The following GNAS variants were observed in gnomAD, a reference collection of about 807,000 sequenced individuals.
GNAS encodes protein ALEX.
In GNAS, 8 loss-of-function variants were observed where a neutral mutation model predicts 54.5. The ratio of observed to expected loss-of-function variants is 0.15; its 90% CI spans 0.09 to 0.26. The LOEUF (loss-of-function observed/expected upper bound fraction) is 0.26, where lower values mean the gene tolerates loss of function less well. Among genes scored for constraint, GNAS ranks in the 10% least tolerant of loss-of-function variants. The pLI, the probability that GNAS is intolerant of heterozygous loss-of-function variation, is 1.00. For missense variants in GNAS, 170 were observed against 529.8 expected, an observed-to-expected ratio of 0.32 and a Z score of 6.67; for synonymous variants, 204 against 191.4, an observed-to-expected ratio of 1.07 and a Z score of -0.54.
intron 1 of GNAS, among the ~76,000 whole-genome samples, chr20:58,858,611 G>A (rs1384109147): frequency 2.0e-5 from 3 of 152,094 alleles, no homozygotes; most frequent in Admixed American, 2.0e-4. Context: ...GAGTTTCTTA[G>A]TATCTGCCAC....
chr20:58,870,730 A>T (rs1480504356), intron 1 of GNAS, among the ~76,000 whole-genome samples: 1 of 152,040 alleles, frequency 6.6e-6, no homozygotes. Flanking sequence ...CCTGCGCCAG[A>T]CGCACAAATC....
intron 1 of GNAS, among the ~76,000 whole-genome samples, chr20:58,894,610 A>G (rs913675583): frequency 2.0e-5 from 3 of 152,254 alleles, no homozygotes; most frequent in African/African-American, 7.2e-5. Context: ...AAAAAGATGC[A>G]AAATAGCAAT....
At chr20:58,893,257 TAATA>T (rs2089693500) in intron 1 of GNAS, among the ~76,000 whole-genome samples, 1 of 151,488 alleles carries the variant, frequency 6.6e-6, no homozygotes, top group African/African-American at 2.4e-5. Context: ...AAAAAAATAA[TAATA>T]AAATAAAAAA....
In GNAS at chr20:58,875,758, G is replaced by C. The variant is rs140783450; in HGVS notation, c.44-19854G>C. ...AGGGTGCCTGACTCATTCCGGCTCCGGTCGATAATGACAAGCCCCATGTTT... is the reference window on the plus strand; with the variant it reads ...AGGGTGCCTGACTCATTCCGGCTCCCGTCGATAATGACAAGCCCCATGTTT... On this transcript the variant is annotated intron_variant, in intron 1 of 12. Transcript: ENST00000306090. Among the ~76,000 whole-genome samples, 3 of 152,310 alleles carry C rather than the reference G, an allele frequency of 2.0e-5. No homozygotes were observed. The East Asian group carries it at 5.8e-4, about 29-fold the overall frequency.
In GNAS at chr20:58,910,840, C is replaced by T. The variant is rs2091387170; in HGVS notation, c.*11C>T. ...TACGAGCTGCTCTAAGAAGGGAACC[C>T]CCAAATTTAATTAAAGCCTTAAGCA... is the stretch of plus-strand genomic sequence containing the variant. On this transcript the variant is annotated 3_prime_UTR_variant, in exon 13 of 13. Transcript: ENST00000371085. This position sits in a 1 kb window ranked among gnomAD's most constrained non-coding sequence, Gnocchi z 5.8. 6.2e-7 allele frequency: 1 copy of T among 1,612,840 alleles called. No homozygotes were observed. The highest frequency in any genetic ancestry group is 1.3e-5 in the African/African-American group (1 of 75,014).
At chr20:58,852,556 T>C (rs1014359425) in intron 1 of GNAS, among the ~76,000 whole-genome samples, 5 of 151,826 alleles carry the variant, frequency 3.3e-5, no homozygotes, top group African/African-American at 1.2e-4. Flanking sequence ...TATCCTGGGG[T>C]GATGAAATCC....
chr20:58,864,034 T>G (rs1445618036), intron 1 of GNAS: 1 of 152,088 alleles, frequency 6.6e-6, no homozygotes, highest in African/African-American at 2.4e-5. Context: ...TTAGCGAGTA[T>G]CCATTCCAGC....
chr20:58,899,489 T>C (rs777443189), intron 3 of GNAS: 1 of 541,662 alleles, frequency 1.8e-6, no homozygotes, highest in East Asian at 5.1e-5. Context: ...TCGTTAAGAA[T>C]CATCTCGAAA....
chr20:58,909,944 C>T lies in GNAS; in HGVS notation c.840-7C>T, dbSNP rs139641444. ...CCCAAGCATTCACACGGCCTCCCTT[C>T]TTGTAGATGGCTGCGCACCATCTCT... On this transcript the variant is annotated splice_polypyrimidine_tract_variant and splice_region_variant and intron_variant, in intron 10 of 12. Coordinates refer to ENST00000371085, the MANE Select transcript of GNAS (RefSeq NM_000516.7). This position sits in a 1 kb window ranked among gnomAD's most constrained non-coding sequence, Gnocchi z 7.3. 6.2e-7 allele frequency: 1 copy of T among 1,614,100 alleles called. No homozygotes were observed. Among genetic ancestry groups the T allele is most frequent in the Non-Finnish European group, 8.5e-7 (1 of 1,179,938 alleles).
Position 58,910,995 on chromosome 20 carries a change from A to C in GNAS, c.*166A>C, listed in dbSNP as rs2146309498. ...CCCCTTTTCCCTTCAGCTTGCTTAGATGTTCCAAATTTAGAAAGCTTAAGG... is the reference window on the plus strand; with the variant it reads ...CCCCTTTTCCCTTCAGCTTGCTTAGCTGTTCCAAATTTAGAAAGCTTAAGG... On this transcript the variant is annotated 3_prime_UTR_variant, in exon 13 of 13. Transcript: ENST00000371085. The surrounding 1 kb of genome is among the most constrained non-coding windows in gnomAD (Gnocchi z 5.8). The C allele has an allele frequency of 1.3e-6, 1 of 741,596 alleles. No homozygotes were observed. The highest frequency in any genetic ancestry group is 2.7e-5 in the East Asian group (1 of 37,204). 45.9% of individuals were successfully genotyped at this position (741,596 alleles called of 1,614,324 possible). A position where few individuals can be genotyped will look rare whatever the true frequency, so the allele number is the denominator to read the frequency against.
In GNAS at chr20:58,891,694, G is replaced by GCCCGGCCGCGC; in HGVS notation, c.-28_-18dup. 9.9e-7 allele frequency: 1 copy of GCCCGGCCGCGC among 1,008,440 alleles called. No homozygotes were observed. The highest frequency in any genetic ancestry group is 1.8e-5 in the African/African-American group (1 of 54,342). The allele number at this position is 1,008,440 out of a possible 1,614,324, so 62.5% of individuals were successfully genotyped here. A position where few individuals can be genotyped will look rare whatever the true frequency, so the allele number is the denominator to read the frequency against. ...GCCGCCCGCGCCCGCCGCCGCCGCA[G>GCCCGGCCGCGC]CCCGGCCGCGCCCCGCCGCCGCCGC... On this transcript the variant is annotated 5_prime_UTR_variant, in exon 1 of 13. Coordinates refer to ENST00000371085, the MANE Select transcript of GNAS (RefSeq NM_000516.7).
chr20:58,903,496 AAT>A, intron 3 of GNAS, 33 bp from the exon 4 acceptor site: 1 of 1,551,730 alleles, frequency 6.4e-7, no homozygotes, highest in East Asian at 2.2e-5. Context: ...GACATGGTGC[AAT>A]ATGATTTTCT....
intron 1 of GNAS, among the ~76,000 whole-genome samples, chr20:58,847,852 C>A (rs1451184849): frequency 6.6e-6 from 1 of 152,136 alleles, no homozygotes; most frequent in Non-Finnish European, 1.5e-5. Flanking sequence ...ATGCCTTATG[C>A]TTTTGGTAAT....
At chr20:58,891,934 G>C (rs2089414562) in intron 1 of GNAS, 69 bp downstream of exon 1, 1 of 898,496 alleles carries the variant, frequency 1.1e-6, no homozygotes, top group Admixed American at 6.5e-5. Context: ...GGCCGCGCGC[G>C]CCGAGCCCGC....
upstream of GNAS, among the ~76,000 whole-genome samples, chr20:58,886,902 T>C (rs1156471303): frequency 2.0e-5 from 3 of 152,260 alleles, no homozygotes; most frequent in East Asian, 1.9e-4. Flanking sequence ...TAATAAAATA[T>C]AGGTGAAACC....
intron 1 of GNAS, chr20:58,876,780 A>G (rs1293419628): frequency 6.6e-6 from 1 of 152,242 alleles, no homozygotes; most frequent in Non-Finnish European, 1.5e-5. Flanking sequence ...ATCAGCCTCC[A>G]AGTTTTGCTA....
chr20:58,908,261 A>G (rs2091213928), intron 6 of GNAS, among the ~76,000 whole-genome samples: 1 of 152,146 alleles, frequency 6.6e-6, no homozygotes, highest in Non-Finnish European at 1.5e-5. Flanking sequence ...TTCCATATTA[A>G]TTACCCCAAT....
chr20:58,909,317 T>A lies in GNAS; in HGVS notation c.586-33T>A. ...CAATTATTACTGTTTCGGTTGGCTT[T>A]GGTGAGATCCATTGACCTCAATTTT... On this transcript the variant is annotated intron_variant, in intron 7 of 12. Transcript: ENST00000371085. The surrounding 1 kb of genome is among the most constrained non-coding windows in gnomAD (Gnocchi z 7.3). The A allele has an allele frequency of 1.9e-6, 3 of 1,595,480 alleles. No individual in the cohort carries two copies. The highest frequency in any genetic ancestry group is 2.6e-6 in the Non-Finnish European group (3 of 1,162,956).
intron 3 of GNAS, chr20:58,900,097 C>T (rs2090470033): frequency 1.2e-5 from 7 of 576,860 alleles, no homozygotes; most frequent in South Asian, 2.1e-5. Flanking sequence ...GGGGCCCCTG[C>T]TACCTGACCT....
Sources: allele counts gnomAD v4.1 joint callset (sites outside exome capture counted in the v4.1 genomes callset), GRCh38; gene constraint gnomAD v4.1.1; non-coding constraint Gnocchi (gnomAD v3.1); transcripts MANE v1.5; gene names NCBI Gene and HGNC (gene_info 2026-07-23, HGNC 2026-07-21).